The following ZMIZ1 variants were observed in gnomAD, a reference collection of about 807,000 sequenced individuals.
The protein encoded by ZMIZ1 is zinc finger MIZ-type containing 1.
A neutral mutation model predicts 113.9 loss-of-function variants in ZMIZ1; 17 were observed. The ratio of observed to expected loss-of-function variants is 0.15; its 90% CI spans 0.10 to 0.22. The LOEUF (loss-of-function observed/expected upper bound fraction) is 0.22, where lower values mean the gene tolerates loss of function less well. Ranked by LOEUF, ZMIZ1 falls within the 10% of genes least tolerant of loss-of-function variation. ZMIZ1 has a pLI of 1.00. For missense variants in ZMIZ1, 1,059 were observed against 1,477.8 expected, an observed-to-expected ratio of 0.72 and a Z score of 4.65; for synonymous variants, 607 against 603.1, an observed-to-expected ratio of 1.01 and a Z score of -0.09.
chr10:79,215,160 G>A, intron 6 of ZMIZ1, among the ~76,000 whole-genome samples: 1 of 152,182 alleles, frequency 6.6e-6, no homozygotes, highest in East Asian at 1.9e-4. Context: ...TGGGAGTCCT[G>A]CGGTTTCTAG....
chr10:79,218,154 T>G (rs1848813127), intron 7 of ZMIZ1, among the ~76,000 whole-genome samples: 1 of 152,032 alleles, frequency 6.6e-6, no homozygotes, highest in African/African-American at 2.4e-5. Context: ...AGGAGTGGGG[T>G]TGGCTGGTTC....
At chr10:79,268,004 A>C (rs1851706119) in intron 7 of ZMIZ1, among the ~76,000 whole-genome samples, 1 of 151,690 alleles carries the variant, frequency 6.6e-6, no homozygotes, top group South Asian at 2.1e-4. Context: ...ATTGCCTTGA[A>C]CTCCCAGGCT....
At position 79,179,964 on chromosome 10, in the gene ZMIZ1, G is replaced by A. The variant is rs574421814; in HGVS notation, c.-50+17831G>A. Among the ~76,000 whole-genome samples the A allele has an allele frequency of 3.9e-5, 6 of 152,368 alleles. No individual in the cohort carries two copies. The South Asian group carries it at 1.2e-3, about 32-fold the overall frequency. ...GTCAGATCAGCATCCTGGGGCCAACGGGGCAGGCTGGGCCTGTCTTCCACT... is the reference window on the plus strand; with the variant it reads ...GTCAGATCAGCATCCTGGGGCCAACAGGGCAGGCTGGGCCTGTCTTCCACT... On this transcript the variant is annotated intron_variant, in intron 4 of 24. Coordinates refer to ENST00000334512, the MANE Select transcript of ZMIZ1 (RefSeq NM_020338.4).
chr10:79,197,797 G>C (rs376134566), intron 4 of ZMIZ1, among the ~76,000 whole-genome samples: 1 of 151,906 alleles, frequency 6.6e-6, no homozygotes, highest in African/African-American at 2.4e-5. Flanking sequence ...TTTCTTATCT[G>C]TGCTGTGCCT....
At chr10:79,133,764 T>C (rs1291461550) in intron 2 of ZMIZ1, among the ~76,000 whole-genome samples, 2 of 152,178 alleles carry the variant, frequency 1.3e-5, no homozygotes, top group African/African-American at 4.8e-5. Flanking sequence ...TGCCCAGACC[T>C]CACCCCTCTG....
At chr10:79,082,109 G>A (rs112441717) in intron 1 of ZMIZ1, among the ~76,000 whole-genome samples, 2 of 152,252 alleles carry the variant, frequency 1.3e-5, no homozygotes, top group African/African-American at 4.8e-5. Flanking sequence ...CTCCATGGCT[G>A]TGGCAGTGGC....
At chr10:79,228,314 G>C (rs1849269243) in intron 7 of ZMIZ1, among the ~76,000 whole-genome samples, 1 of 152,242 alleles carries the variant, frequency 6.6e-6, no homozygotes, top group Admixed American at 6.5e-5. Flanking sequence ...CAAGGCAAGG[G>C]ATGAGTGAAG....
At chr10:79,180,662 T>C (rs1847082546) in intron 4 of ZMIZ1, among the ~76,000 whole-genome samples, 1 of 152,154 alleles carries the variant, frequency 6.6e-6, no homozygotes, top group Admixed American at 6.5e-5. Flanking sequence ...CACCACCACC[T>C]TCCTCTGAGC....
At chr10:79,274,617 C>T (rs1010774564) in intron 7 of ZMIZ1, among the ~76,000 whole-genome samples, 1 of 135,098 alleles carries the variant, frequency 7.4e-6, no homozygotes. Context: ...GCCCCGCATG[C>T]GGCTGCCAGC....
At chr10:79,216,832 C>T (rs987923278) in intron 7 of ZMIZ1, among the ~76,000 whole-genome samples, 9 of 152,200 alleles carry the variant, frequency 5.9e-5, no homozygotes, top group East Asian at 1.9e-4. Flanking sequence ...CTCAGGGTTC[C>T]GTATTGCAAC....
At chr10:79,094,323 G>C (rs1192879301) in intron 1 of ZMIZ1, among the ~76,000 whole-genome samples, 1 of 151,416 alleles carries the variant, frequency 6.6e-6, no homozygotes. Context: ...GGCGGCCTCT[G>C]CTCTCCCTGC....
intron 7 of ZMIZ1, among the ~76,000 whole-genome samples, chr10:79,242,583 T>G (rs1217212149): frequency 7.0e-5 from 1 of 14,268 alleles, no homozygotes. Context: ...CGAGGCCCCC[T>G]CCAGTTCAGC....
intron 8 of ZMIZ1, among the ~76,000 whole-genome samples, chr10:79,282,487 G>A (rs568316389): frequency 3.3e-5 from 5 of 152,350 alleles, no homozygotes; most frequent in South Asian, 2.1e-4. Context: ...GACGGCAGAC[G>A]CCTGGAGGGT....
chr10:79,074,802 G>T (rs1351181976), intron 1 of ZMIZ1, among the ~76,000 whole-genome samples: 1 of 152,224 alleles, frequency 6.6e-6, no homozygotes, highest in East Asian at 1.9e-4. Context: ...TGGGGTTCAG[G>T]CCAGGGAGCA....
intron 8 of ZMIZ1, among the ~76,000 whole-genome samples, chr10:79,286,811 A>G (rs987406211): frequency 1.3e-5 from 2 of 152,196 alleles, no homozygotes; most frequent in Non-Finnish European, 2.9e-5. Flanking sequence ...GGCTGAGGTG[A>G]TGAGGCAGCA....
chr10:79,302,495 C>T (rs1309757739), intron 18 of ZMIZ1, among the ~76,000 whole-genome samples: 1 of 152,142 alleles, frequency 6.6e-6, no homozygotes, highest in Non-Finnish European at 1.5e-5. Flanking sequence ...ACAGGCATAC[C>T]TGCAATAGCA....
chr10:79,252,951 T>C (rs991138240), intron 7 of ZMIZ1, among the ~76,000 whole-genome samples: 9 of 152,198 alleles, frequency 5.9e-5, no homozygotes, highest in Admixed American at 5.2e-4. Flanking sequence ...ACATGTAATA[T>C]ATTTTGGAAT....
At chr10:79,189,260 G>C (rs11002862) in intron 4 of ZMIZ1, among the ~76,000 whole-genome samples, 29,636 of 152,144 alleles carry the variant, frequency 0.19, 3,314 homozygotes, top group South Asian at 0.3. Flanking sequence ...CAACCACCCA[G>C]GACTTCTGAG....
At chr10:79,265,040 G>A (rs1019028184) in intron 7 of ZMIZ1, among the ~76,000 whole-genome samples, 44 of 152,310 alleles carry the variant, frequency 2.9e-4, no homozygotes, top group African/African-American at 1.1e-3. Flanking sequence ...ACCGGTTTGG[G>A]AAACAGCACT....
Sources: allele counts gnomAD v4.1 joint callset (sites outside exome capture counted in the v4.1 genomes callset), GRCh38; gene constraint gnomAD v4.1.1; transcripts MANE v1.5; gene names NCBI Gene and HGNC (gene_info 2026-07-23, HGNC 2026-07-21).